The following WDR19 variants were observed in gnomAD, a reference collection of about 807,000 sequenced individuals.
The protein encoded by WDR19 is WD repeat domain 19, also known as WD repeat-containing protein 19.
WDR19 carries 121 observed loss-of-function variants against 180.0 expected under a neutral mutation model. That is an observed-to-expected ratio of 0.67 (90% CI 0.58 to 0.78). The LOEUF is 0.78. Ranked by LOEUF, WDR19 falls within the 30% of genes least tolerant of loss-of-function variation. WDR19 has a pLI of 0.00. For synonymous variants in WDR19, 497 were observed against 540.7 expected (o/e 0.92, Z 1.12); for missense variants, 1,450 against 1,640.7 (o/e 0.88, Z 2.01).
At chr4:39,279,956 G>A (rs1276966850) in intron 36 of WDR19, among the ~76,000 whole-genome samples, 2 of 151,930 alleles carry the variant, frequency 1.3e-5, no homozygotes, top group African/African-American at 2.4e-5. Context: ...GCCGGCCTCA[G>A]CCTCCCAAAG....
intron 14 of WDR19, among the ~76,000 whole-genome samples, chr4:39,222,119 C>G (rs1729764873): frequency 6.6e-6 from 1 of 152,166 alleles, no homozygotes; most frequent in Non-Finnish European, 1.5e-5. Context: ...TTTAGCCACT[C>G]TAATAGATGT....
At chr4:39,254,090 C>G in intron 26 of WDR19, 60 bp downstream of exon 26, 1 of 1,539,452 alleles carries the variant, frequency 6.5e-7, no homozygotes, top group Non-Finnish European at 8.8e-7. Flanking sequence ...CACTTTGTCT[C>G]TTATGATCTA....
At chr4:39,225,296 A>T (rs1415866602) in intron 15 of WDR19, among the ~76,000 whole-genome samples, 1 of 152,174 alleles carries the variant, frequency 6.6e-6, no homozygotes, top group Non-Finnish European at 1.5e-5. Context: ...CCACTTTCAA[A>T]CTTATCATAT....
chr4:39,195,531 A>G (rs1726667395), intron 5 of WDR19, among the ~76,000 whole-genome samples: 1 of 152,030 alleles, frequency 6.6e-6, no homozygotes, highest in Admixed American at 6.6e-5. Context: ...GGGTGTTTTT[A>G]TGTCCCTCCT....
chr4:39,200,415 G>A (rs550578454), intron 6 of WDR19, among the ~76,000 whole-genome samples: 1 of 152,320 alleles, frequency 6.6e-6, no homozygotes, highest in African/African-American at 2.4e-5. Flanking sequence ...GCCTGCAATC[G>A]TGTTGTCAGA....
intron 24 of WDR19, among the ~76,000 whole-genome samples, chr4:39,252,637 T>A (rs1455961466): frequency 1.3e-5 from 2 of 152,116 alleles, no homozygotes; most frequent in African/African-American, 4.8e-5. Flanking sequence ...TTTAAATACT[T>A]TTAGAAAAGT....
At chr4:39,265,382 G>A (rs966933820) in intron 28 of WDR19, among the ~76,000 whole-genome samples, 1 of 151,998 alleles carries the variant, frequency 6.6e-6, no homozygotes, top group African/African-American at 2.4e-5. Flanking sequence ...TCAGGGAGCC[G>A]CTGCAGAGGA....
At chr4:39,258,185 C>T (rs898696671) in intron 28 of WDR19, among the ~76,000 whole-genome samples, 1 of 151,792 alleles carries the variant, frequency 6.6e-6, no homozygotes, top group Non-Finnish European at 1.5e-5. Flanking sequence ...CAGAGTTTCG[C>T]TCTTTTGCCC....
At chr4:39,188,583 C>T (rs1295512381) in intron 3 of WDR19, among the ~76,000 whole-genome samples, 1 of 143,914 alleles carries the variant, frequency 6.9e-6, no homozygotes, top group African/African-American at 2.6e-5. Context: ...CGCACCACCG[C>T]ACTCCAGCCT....
At chr4:39,206,695 A>T (rs941493013) in intron 9 of WDR19, among the ~76,000 whole-genome samples, 48 of 152,226 alleles carry the variant, frequency 3.2e-4, no homozygotes, top group Admixed American at 2.6e-4. Context: ...TATCCTAAAC[A>T]TATACCAAAG....
At chr4:39,283,255 G>A (rs1392930898) in intron 36 of WDR19, among the ~76,000 whole-genome samples, 1 of 152,132 alleles carries the variant, frequency 6.6e-6, no homozygotes, top group Non-Finnish European at 1.5e-5. Context: ...GATTTTCAAT[G>A]TTAAAGCCAA....
intron 14 of WDR19, among the ~76,000 whole-genome samples, chr4:39,223,115 T>C (rs547075559): frequency 1.3e-5 from 2 of 152,298 alleles, no homozygotes; most frequent in South Asian, 4.1e-4. Flanking sequence ...ATTTGCCCAT[T>C]GAAGGGCATA....
chr4:39,212,306 C>G (rs1178093934), intron 9 of WDR19, among the ~76,000 whole-genome samples: 1 of 152,094 alleles, frequency 6.6e-6, no homozygotes, highest in Non-Finnish European at 1.5e-5. Context: ...CGACACAAAC[C>G]TTACACCTTA....
intron 21 of WDR19, among the ~76,000 whole-genome samples, chr4:39,243,771 C>T (rs1321150848): frequency 2.0e-5 from 3 of 152,166 alleles, no homozygotes. Flanking sequence ...GACATTACAT[C>T]TTACTAGTAG....
At chr4:39,280,151 A>T (rs1436153806) in intron 36 of WDR19, among the ~76,000 whole-genome samples, 1 of 107,532 alleles carries the variant, frequency 9.3e-6, no homozygotes, top group African/African-American at 3.7e-5. Context: ...TAATAGAGGC[A>T]GGGTCTCGCC....
chr4:39,283,844 T>C (rs1736842881), intron 36 of WDR19, among the ~76,000 whole-genome samples: 1 of 152,230 alleles, frequency 6.6e-6, no homozygotes, highest in South Asian at 2.1e-4. Flanking sequence ...GGTTTGCTGG[T>C]GACTTCTTCT....
intron 9 of WDR19, among the ~76,000 whole-genome samples, chr4:39,211,047 A>G (rs1349283983): frequency 1.3e-5 from 2 of 151,700 alleles, no homozygotes; most frequent in Non-Finnish European, 2.9e-5. Flanking sequence ...TTGAGGCTGC[A>G]GTGAGCTGTG....
intron 31 of WDR19, among the ~76,000 whole-genome samples, chr4:39,272,495 C>T (rs1032047856): frequency 1.3e-5 from 2 of 152,178 alleles, no homozygotes; most frequent in African/African-American, 2.4e-5. Context: ...TGCTGACTCT[C>T]GAGGCTCACC....
At chr4:39,183,203 T>A (rs1229694736) in intron 1 of WDR19, among the ~76,000 whole-genome samples, 1 of 149,350 alleles carries the variant, frequency 6.7e-6, no homozygotes, top group Non-Finnish European at 1.5e-5. Context: ...CTTTCTGATT[T>A]ATCAGAGCAG....
Sources: allele counts gnomAD v4.1 joint callset (sites outside exome capture counted in the v4.1 genomes callset), GRCh38; gene constraint gnomAD v4.1.1; transcripts MANE v1.5; gene names NCBI Gene and HGNC (gene_info 2026-07-23, HGNC 2026-07-21).